INSL6: variants seen among roughly 807,000 people sequenced by gnomAD.
INSL6 encodes insulin-like peptide INSL6.
In INSL6, 16 loss-of-function variants were observed where a neutral mutation model predicts 9.4. That is an observed-to-expected ratio of 1.70 (90% CI 1.15 to 2.59). The LOEUF (loss-of-function observed/expected upper bound fraction) is 2.59. INSL6 is among the 30% of genes most tolerant of loss of function. The pLI, the probability that INSL6 is intolerant of heterozygous loss-of-function variation, is 0.00. For missense variants in INSL6, 391 were observed against 257.3 expected (o/e 1.52, Z -3.56); for synonymous variants, 154 against 96.9 (o/e 1.59, Z -3.46).
chr9:5,120,868 T>A (rs1450789745), downstream of INSL6, among the ~76,000 whole-genome samples: 3 of 152,192 alleles, frequency 2.0e-5, no homozygotes, highest in African/African-American at 4.8e-5. Context: ...ATTTATTGCA[T>A]AAGAAACAAA....
the INSL6 span, chr9:5,097,304 C>T: frequency 2.0e-5 from 3 of 152,218 alleles, no homozygotes; most frequent in South Asian, 6.2e-4. Flanking sequence ...GTAACCTCAA[C>T]ACTACTTTTT....
chr9:5,119,671 C>T (rs114216816), downstream of INSL6, among the ~76,000 whole-genome samples: 72 of 152,142 alleles, frequency 4.7e-4, no homozygotes, highest in African/African-American at 1.7e-3. Context: ...ATGGTCATTC[C>T]TTCAGTAAAT....
chr9:5,000,143 A>G, the INSL6 span, among the ~76,000 whole-genome samples: 156 of 151,918 alleles, frequency 1.0e-3, no homozygotes, highest in Non-Finnish European at 8.5e-4. Context: ...TTTGTAGTAT[A>G]TATTTTTTCT....
the INSL6 span, among the ~76,000 whole-genome samples, chr9:5,011,133 C>T: frequency 1.5e-4 from 23 of 152,198 alleles, no homozygotes; most frequent in Admixed American, 2.6e-4. Flanking sequence ...CTTTTTGGAT[C>T]GGTGGTTTGA....
the INSL6 span, chr9:5,095,159 G>A: frequency 5.3e-5 from 8 of 152,106 alleles, no homozygotes; most frequent in Non-Finnish European, 1.0e-4. Flanking sequence ...ATATCCTAAA[G>A]TAAGTTCAGC....
chr9:5,077,319 C>G, the INSL6 span: 4 of 309,444 alleles, frequency 1.3e-5, no homozygotes, highest in Non-Finnish European at 2.3e-5. Flanking sequence ...ATTAAGTTTT[C>G]TTTAAAGTTG....
chr9:5,025,500 TTTC>T, the INSL6 span, among the ~76,000 whole-genome samples: 3 of 152,088 alleles, frequency 2.0e-5, no homozygotes, highest in South Asian at 2.1e-4. Context: ...CCTTCTTTCT[TTTC>T]TTCTTCTTTT....
chr9:5,133,137 C>T (rs757845519), intron 3 of INSL6, among the ~76,000 whole-genome samples: 4 of 150,276 alleles, frequency 2.7e-5, no homozygotes, highest in African/African-American at 1.0e-4. Context: ...AAATACAGTA[C>T]ATAAACAGAT....
the INSL6 span, chr9:5,099,789 C>T: frequency 6.6e-6 from 1 of 152,204 alleles, no homozygotes; most frequent in African/African-American, 2.4e-5. Context: ...TAATTATCTT[C>T]ACTGCCTCAA....
chr9:5,025,607 C>T, the INSL6 span, among the ~76,000 whole-genome samples: 1 of 150,806 alleles, frequency 6.6e-6, no homozygotes, highest in East Asian at 1.9e-4. Flanking sequence ...GATTATGGCA[C>T]ACTGCCACCT....
the INSL6 span, chr9:5,081,599 T>A: frequency 1.9e-4 from 121 of 635,688 alleles, no homozygotes; most frequent in East Asian, 3.3e-3. Context: ...TTGAAACTAT[T>A]TGAGTTTCCC....
At chr9:5,115,821 AC>A in the INSL6 span, among the ~76,000 whole-genome samples, 12 of 152,176 alleles carry the variant, frequency 7.9e-5, no homozygotes, top group African/African-American at 2.7e-4. Flanking sequence ...AAAACCATAC[AC>A]CACTTGTTCT....
intron 1 of INSL6, 97 bp downstream of exon 1, chr9:5,185,217 A>C: frequency 6.6e-7 from 1 of 1,508,972 alleles, no homozygotes; most frequent in Non-Finnish European, 9.2e-7. Context: ...CTAGGCACAA[A>C]TTCCACTTCC....
At chr9:5,028,317 T>G in the INSL6 span, among the ~76,000 whole-genome samples, 3 of 152,180 alleles carry the variant, frequency 2.0e-5, no homozygotes, top group African/African-American at 4.8e-5. Context: ...TTTCTGAGCT[T>G]TAGGTCTCAA....
the INSL6 span, among the ~76,000 whole-genome samples, chr9:5,026,610 T>G: frequency 6.6e-6 from 1 of 152,352 alleles, no homozygotes; most frequent in South Asian, 2.1e-4. Flanking sequence ...TATTCATTTC[T>G]GATTTAATTG....
rs78094405 is a variant in INSL6, at chr9:5,174,035, C to A, written c.290-9770G>T. On this transcript the variant is annotated intron_variant, in intron 1 of 1. Transcript: ENST00000381641. ...TACCTATTTCTACAGATGAACTATA[C>A]ACTCTAAAGCCAATTTCTGCACTTA... Among the ~76,000 whole-genome samples, 845 of 152,334 alleles carry A rather than the reference C, an allele frequency of 5.5e-3. 4 individuals are homozygous for A. Among genetic ancestry groups the A allele is most frequent in the African/African-American group, 0.019 (779 of 41,580 alleles).
At chr9:5,154,003 C>G (rs1053585079) in intron 2 of INSL6, among the ~76,000 whole-genome samples, 26 of 152,282 alleles carry the variant, frequency 1.7e-4, no homozygotes, top group African/African-American at 6.0e-4. Flanking sequence ...AAAAAAGAGC[C>G]TGCATAGCCA....
downstream of INSL6, among the ~76,000 whole-genome samples, chr9:5,120,098 A>T (rs1365381988): frequency 6.6e-6 from 1 of 152,230 alleles, no homozygotes; most frequent in African/African-American, 2.4e-5. Context: ...AAGTGCTGGC[A>T]GGTTCAGGCG....
chr9:5,057,587 T>C, the INSL6 span, among the ~76,000 whole-genome samples: 3 of 147,854 alleles, frequency 2.0e-5, no homozygotes, highest in East Asian at 1.9e-4. Context: ...TTTCTTTTTT[T>C]TTTTTTTTTT....
Sources: gnomAD v4.1 joint callset for allele counts (sites outside exome capture counted in the v4.1 genomes callset) on GRCh38, gnomAD v4.1.1 for gene constraint, MANE v1.5 for transcripts, NCBI Gene and HGNC (gene_info 2026-07-23, HGNC 2026-07-21) for gene names.